LRP5: variants seen among roughly 807,000 people sequenced by gnomAD.
The protein encoded by LRP5 is low-density lipoprotein receptor-related protein 5.
In LRP5, 62 loss-of-function variants were observed where a neutral mutation model predicts 154.1. That is an observed-to-expected ratio of 0.40 (90% CI 0.33 to 0.50). The LOEUF (loss-of-function observed/expected upper bound fraction) is 0.50, where lower values mean the gene tolerates loss of function less well. LRP5 is among the 20% of genes least tolerant of loss of function. LRP5 has a pLI of 0.55. For synonymous variants in LRP5, 966 were observed against 1,011.5 expected (o/e 0.96, Z 0.85); for missense variants, 1,915 against 2,336.7 (o/e 0.82, Z 3.72).
At chr11:68,311,565 CTTGT>C (rs1166402701), upstream of LRP5, among the ~76,000 whole-genome samples, 1 of 152,172 alleles carries the variant, frequency 6.6e-6, no homozygotes, top group African/African-American at 2.4e-5. Flanking sequence ...TTTCCGTCTT[CTTGT>C]TTTTGTTGGT....
chr11:68,409,153 TATATA>T lies in LRP5; in HGVS notation c.2092-754_2092-750del, dbSNP rs541877000. Among the ~76,000 whole-genome samples the T allele has an allele frequency of 2.6e-3, 347 of 132,340 alleles. 5 individuals are homozygous for T. The highest frequency in any genetic ancestry group is 9.2e-3 in the African/African-American group (314 of 34,308). 86.8% of individuals were successfully genotyped at this position (132,340 alleles called of 152,430 possible). On this transcript the variant is annotated intron_variant, in intron 9 of 22. Coordinates refer to ENST00000294304, the MANE Select transcript of LRP5 (RefSeq NM_002335.4). ...AAAATATATATTTATAAATATATAA[TATATA>T]ATATAAAAATATATATTTATAAATA...
At chr11:68,430,444 T>C (rs1166832948) in intron 17 of LRP5, among the ~76,000 whole-genome samples, 2 of 152,198 alleles carry the variant, frequency 1.3e-5, no homozygotes, top group African/African-American at 4.8e-5. Flanking sequence ...AGTGCTGGGA[T>C]TATAGGCGTG....
intron 5 of LRP5, among the ~76,000 whole-genome samples, chr11:68,383,045 T>A (rs1308427233): frequency 6.6e-6 from 1 of 151,968 alleles, no homozygotes; most frequent in Non-Finnish European, 1.5e-5. Flanking sequence ...GCCTGGCATA[T>A]TTTTCTATTT....
At chr11:68,432,476 GC>G (rs1337997596) in intron 17 of LRP5, among the ~76,000 whole-genome samples, 1 of 152,168 alleles carries the variant, frequency 6.6e-6, no homozygotes, top group Non-Finnish European at 1.5e-5. Context: ...CTTTGATCAG[GC>G]CCCCTCCCCT....
At chr11:68,347,135 C>T (rs1355217861) in intron 1 of LRP5, among the ~76,000 whole-genome samples, 1 of 152,132 alleles carries the variant, frequency 6.6e-6, no homozygotes, top group Non-Finnish European at 1.5e-5. Context: ...GGAGGCCAGG[C>T]TAGGGGGTCT....
At position 68,437,211 on chromosome 11, in the gene LRP5, G is replaced by A. The variant is rs539600; in HGVS notation, c.4111+212G>A. ...GAGCTGTGGGCTCGGCGGCTACAGA[G>A]TCTGCCTCAGTGGGCGGGGCTGATG... On this transcript the variant is annotated intron_variant, in intron 19 of 22. Transcript: ENST00000294304. Among the ~76,000 whole-genome samples the A allele has an allele frequency of 0.012, 1,797 of 152,306 alleles. 44 individuals are homozygous for A. Among genetic ancestry groups the A allele is most frequent in the African/African-American group, 0.041 (1,714 of 41,556 alleles).
chr11:68,433,593 C>T lies in LRP5; in HGVS notation c.3764-9C>T. 6.2e-7 allele frequency: 1 copy of T among 1,610,508 alleles called. No individual in the cohort carries two copies. The highest frequency in any genetic ancestry group is 8.5e-7 in the Non-Finnish European group (1 of 1,177,482). On this transcript the variant is annotated splice_polypyrimidine_tract_variant and intron_variant, in intron 17 of 22. Transcript: ENST00000294304. ...CTGCGTGTGATGTTCTCCTCTGTCCCTCCCCCAGAGCCGCCCACCTGCTCC... is the reference window on the plus strand; with the variant it reads ...CTGCGTGTGATGTTCTCCTCTGTCCTTCCCCCAGAGCCGCCCACCTGCTCC...
At chr11:68,448,282 A>C (rs1256559586) in intron 22 of LRP5, among the ~76,000 whole-genome samples, 1 of 152,174 alleles carries the variant, frequency 6.6e-6, no homozygotes, top group African/African-American at 2.4e-5. Flanking sequence ...TGGGAGTACA[A>C]TTCAAGATGA....
chr11:68,440,636 T>C lies in LRP5; in HGVS notation c.4488+720T>C, dbSNP rs574680644. ...TGCTTTTCATTTGTTCCTGCAGCTG[T>C]ATGCCCCTAAGGTGAGTCCAGCCCC... On this transcript the variant is annotated intron_variant, in intron 21 of 22. Transcript: ENST00000294304. Among the ~76,000 whole-genome samples, 16 of 152,292 alleles carry C rather than the reference T, an allele frequency of 1.1e-4. No individual in the cohort carries two copies. The East Asian group carries it at 2.1e-3, about 20-fold the overall frequency.
chr11:68,412,440 A>G (rs889095515), intron 11 of LRP5, among the ~76,000 whole-genome samples: 1 of 152,108 alleles, frequency 6.6e-6, no homozygotes, highest in African/African-American at 2.4e-5. Context: ...CAGGAGTTCA[A>G]GATCAGCCTG....
intron 1 of LRP5, among the ~76,000 whole-genome samples, chr11:68,340,391 G>A (rs1045724694): frequency 2.0e-5 from 3 of 152,230 alleles, no homozygotes; most frequent in African/African-American, 7.2e-5. Flanking sequence ...AGTCTGAGTG[G>A]ATGGTGTGTG....
At chr11:68,366,803 C>T (rs1466634626) in intron 5 of LRP5, among the ~76,000 whole-genome samples, 3 of 152,148 alleles carry the variant, frequency 2.0e-5, no homozygotes, top group Non-Finnish European at 4.4e-5. Flanking sequence ...GGGACTTGGG[C>T]GGCCTAGTCC....
chr11:68,394,689 C>T (rs973300389), intron 7 of LRP5, among the ~76,000 whole-genome samples: 2 of 152,166 alleles, frequency 1.3e-5, no homozygotes, highest in Non-Finnish European at 2.9e-5. Flanking sequence ...TGGTCTCGAT[C>T]TCCTGACCTC....
chr11:68,421,796 G>GGT (rs368616925), intron 13 of LRP5, among the ~76,000 whole-genome samples: 29 of 109,240 alleles, frequency 2.7e-4, no homozygotes, highest in South Asian at 2.0e-3. Context: ...GTGTGTGTGG[G>GGT]GTGTGTGTGT....
chr11:68,388,197 A>G, intron 6 of LRP5, among the ~76,000 whole-genome samples: 1 of 152,068 alleles, frequency 6.6e-6, no homozygotes, highest in African/African-American at 2.4e-5. Context: ...GATGAGGGTA[A>G]GAAGTGGGGT....
rs147261516 is a variant in LRP5, at chr11:68,320,157, C to T, written c.91+7352C>T. 1.8e-3 allele frequency among the ~76,000 whole-genome samples: 274 copies of T among 152,168 alleles called. 1 individual carries two copies. Among genetic ancestry groups the T allele is most frequent in the African/African-American group, 6.1e-3 (255 of 41,528 alleles). On this transcript the variant is annotated intron_variant, in intron 1 of 22. Transcript: ENST00000294304. ...TCTAGCCTGGGCAACAGAGCGAGAC[C>T]CTGTCTCAAATACATACATACAAGC...
At chr11:68,380,354 G>T (rs1204435837) in intron 5 of LRP5, among the ~76,000 whole-genome samples, 1 of 152,218 alleles carries the variant, frequency 6.6e-6, no homozygotes, top group Non-Finnish European at 1.5e-5. Flanking sequence ...CAGCTGTGTT[G>T]ACTGAGGCAG....
At chr11:68,343,613 G>A (rs556589382) in intron 1 of LRP5, among the ~76,000 whole-genome samples, 2 of 152,312 alleles carry the variant, frequency 1.3e-5, no homozygotes, top group South Asian at 2.1e-4. Context: ...AACACACCGT[G>A]TGGGGGCTGC....
chr11:68,442,526 T>C (rs140501222), intron 21 of LRP5, among the ~76,000 whole-genome samples: 185 of 152,312 alleles, frequency 1.2e-3, no homozygotes, highest in African/African-American at 4.3e-3. Flanking sequence ...TCCTCCTGCC[T>C]CAGCCTCCCA....
Sources: gnomAD v4.1 joint callset for allele counts (sites outside exome capture counted in the v4.1 genomes callset) on GRCh38, gnomAD v4.1.1 for gene constraint, MANE v1.5 for transcripts, NCBI Gene and HGNC (gene_info 2026-07-23, HGNC 2026-07-21) for gene names.